The following TBC1D32 variants were observed in gnomAD, a reference collection of about 807,000 sequenced individuals.
The protein encoded by TBC1D32 is protein broad-minded.
TBC1D32 carries 151 observed loss-of-function variants against 170.3 expected under a neutral mutation model. The observed-to-expected ratio is 0.89, with a 90% confidence interval of 0.78 to 1.01. TBC1D32 has a LOEUF of 1.01. Ranked by LOEUF, TBC1D32 falls within the 50% of genes least tolerant of loss-of-function variation. The probability of loss-of-function intolerance (pLI) is 0.00; values close to 1 mark genes in which losing one functional copy is unlikely to be tolerated. For missense variants in TBC1D32, 1,464 were observed against 1,457.1 expected (o/e 1.00, Z -0.08); for synonymous variants, 498 against 488.0 (o/e 1.02, Z -0.27).
intron 22 of TBC1D32, among the ~76,000 whole-genome samples, chr6:121,197,507 T>C (rs995834254): frequency 5.3e-5 from 8 of 152,240 alleles, no homozygotes; most frequent in Non-Finnish European, 1.2e-4. Context: ...TGTGATTGTA[T>C]ACACTTGTAC....
chr6:121,225,319 T>C (rs946699909), intron 20 of TBC1D32, among the ~76,000 whole-genome samples: 29 of 152,068 alleles, frequency 1.9e-4, no homozygotes, highest in African/African-American at 6.8e-4. Flanking sequence ...TGCTTTATAA[T>C]TTAAATCTGC....
intron 27 of TBC1D32, among the ~76,000 whole-genome samples, chr6:121,114,415 A>G (rs1779493026): frequency 6.6e-6 from 1 of 152,204 alleles, no homozygotes; most frequent in Non-Finnish European, 1.5e-5. Flanking sequence ...TACGAAGTCC[A>G]TTTCAGAATA....
Position 121,241,493 on chromosome 6 carries a change from T to A in TBC1D32, c.2217A>T (p.Ala739=). ...ACTTTTTTAGTGCAATGCCACCTGC[T>A]GCTGTTGATGCCACTCGTGTAACCA... The part of the protein sequence containing the change: ...GVLVTRVAST[A]AGGIALKKSG... The change falls in exon 19 of 32, where the codon GCA becomes GCT. Residue 739 remains alanine (A), a synonymous_variant. Coordinates refer to ENST00000398212, the MANE Select transcript of TBC1D32 (RefSeq NM_152730.6). 1 of 1,613,530 alleles carries A rather than the reference T, an allele frequency of 6.2e-7. No individual in the cohort carries two copies. Among genetic ancestry groups the A allele is most frequent in the South Asian group, 1.1e-5 (1 of 91,002 alleles).
At position 121,310,521 on chromosome 6, in the gene TBC1D32, A is replaced by G. The variant is rs150523800; in HGVS notation, c.564+258T>C. On this transcript the variant is annotated intron_variant, in intron 4 of 31. Coordinates refer to ENST00000398212, the MANE Select transcript of TBC1D32 (RefSeq NM_152730.6). ...AGAACAGTTTGGGGGACAACTGCCT[A>G]TAACTTTATCCCTTTGAAATTGATG... Among the ~76,000 whole-genome samples, 11 of 152,344 alleles carry G rather than the reference A, an allele frequency of 7.2e-5. No individual in the cohort carries two copies. The East Asian group carries it at 1.7e-3, about 24-fold the overall frequency.
chr6:121,105,853 C>G (rs1188004953), intron 30 of TBC1D32, among the ~76,000 whole-genome samples, 170 bp downstream of exon 30: 3 of 151,942 alleles, frequency 2.0e-5, no homozygotes, highest in African/African-American at 7.2e-5. Flanking sequence ...TGGTAGAAAG[C>G]ATTATAAAGC....
At chr6:121,101,774 A>G (rs1778100057) in intron 30 of TBC1D32, among the ~76,000 whole-genome samples, 1 of 152,150 alleles carries the variant, frequency 6.6e-6, no homozygotes, top group Non-Finnish European at 1.5e-5. Context: ...AGGGTATTCA[A>G]TTAGGAAAAG....
intron 22 of TBC1D32, among the ~76,000 whole-genome samples, chr6:121,196,856 T>G (rs1347088792): frequency 6.6e-6 from 1 of 152,188 alleles, no homozygotes; most frequent in South Asian, 2.1e-4. Flanking sequence ...CCAGGATTCA[T>G]GATTCCAGGA....
At chr6:121,123,099 C>A (rs945585245) in intron 26 of TBC1D32, among the ~76,000 whole-genome samples, 1 of 152,084 alleles carries the variant, frequency 6.6e-6, no homozygotes, top group Admixed American at 6.6e-5. Context: ...ATTATGACAA[C>A]TTCTCTTGTT....
At position 121,147,572 on chromosome 6, in the gene TBC1D32, G is replaced by A. The variant is rs368646998; in HGVS notation, c.2773+12438C>T. On this transcript the variant is annotated intron_variant, in intron 24 of 31. Transcript: ENST00000398212. The stretch of plus-strand genomic sequence containing the variant: ...CATTTATCTGATGATTAGTGATGGT[G>A]AGCATTTTTAATATTTTTTTATTTT... 5.8e-3 allele frequency among the ~76,000 whole-genome samples: 883 copies of A among 151,902 alleles called. 11 individuals are homozygous for A. Among genetic ancestry groups the A allele is most frequent in the African/African-American group, 0.02 (821 of 41,420 alleles).
At chr6:121,194,820 G>T (rs928615510) in intron 22 of TBC1D32, among the ~76,000 whole-genome samples, 16 of 152,124 alleles carry the variant, frequency 1.1e-4, no homozygotes, top group Non-Finnish European at 7.3e-5. Flanking sequence ...ATATCACACT[G>T]GTCCATTACA....
At chr6:121,231,556 C>G (rs1230950541) in intron 20 of TBC1D32, among the ~76,000 whole-genome samples, 2 of 152,000 alleles carry the variant, frequency 1.3e-5, no homozygotes, top group East Asian at 1.9e-4. Context: ...AAAGTGTTCC[C>G]TTTTCACTGC....
At chr6:121,294,804 T>G in intron 10 of TBC1D32, 144 bp from the exon 11 acceptor site, 1 of 668,908 alleles carries the variant, frequency 1.5e-6, no homozygotes, top group Non-Finnish European at 2.6e-6. Context: ...CCCTTAAAGC[T>G]CAGCCTCCTC....
chr6:121,191,885 G>A (rs987975211), intron 22 of TBC1D32, among the ~76,000 whole-genome samples: 5 of 151,816 alleles, frequency 3.3e-5, no homozygotes, highest in South Asian at 2.1e-4. Context: ...GTGAAAAGGC[G>A]AGACTGGCCT....
intron 30 of TBC1D32, among the ~76,000 whole-genome samples, chr6:121,094,869 T>G (rs967013016): frequency 3.7e-4 from 57 of 152,166 alleles, no homozygotes; most frequent in African/African-American, 1.3e-3. Context: ...GATACGTATT[T>G]TCAAATTTTT....
At chr6:121,160,866 G>C (rs1483103793) in intron 23 of TBC1D32, 82 bp downstream of exon 23, 2 of 1,040,692 alleles carry the variant, frequency 1.9e-6, no homozygotes, top group African/African-American at 1.6e-5. Flanking sequence ...AAGAGGTAAA[G>C]TTTAGGGTGA....
chr6:121,315,430 C>T (rs1475559614), intron 3 of TBC1D32, among the ~76,000 whole-genome samples: 1 of 152,120 alleles, frequency 6.6e-6, no homozygotes, highest in African/African-American at 2.4e-5. Flanking sequence ...ATGGTAATAA[C>T]TACTTATCTC....
At chr6:121,093,880 T>C (rs934754133) in intron 30 of TBC1D32, among the ~76,000 whole-genome samples, 1 of 152,106 alleles carries the variant, frequency 6.6e-6, no homozygotes, top group African/African-American at 2.4e-5. Flanking sequence ...ATAACAAAGG[T>C]ATAGATGTTA....
Position 121,255,385 on chromosome 6 carries a change from G to A in TBC1D32, c.1961C>T (p.Pro654Leu). 2.0e-6 allele frequency: 3 copies of A among 1,506,334 alleles called. No individual in the cohort carries two copies. The highest frequency in any genetic ancestry group is 2.7e-6 in the Non-Finnish European group (3 of 1,131,814). 93.3% of individuals were successfully genotyped at this position (1,506,334 alleles called of 1,614,324 possible). A position where few individuals can be genotyped will look rare whatever the true frequency, so the allele number is the denominator to read the frequency against. Residue 654 changes from proline to leucine, a missense_variant, in exon 17 of 32, where the codon CCT becomes CTT. By Grantham distance (98) the Pro-to-Leu change is moderately conservative (BLOSUM62 -3). Around this residue, in one of 3 missense-constraint regions of TBC1D32, gnomAD observed 1,363 missense variants for 1,338.1 expected, o/e 1.02. Coordinates refer to ENST00000398212, the MANE Select transcript of TBC1D32 (RefSeq NM_152730.6). ...KKTSLLSERI[P>L]TPVEGSDSVS... ...AGAATCAGAACCCTCTACTGGAGTA[G>A]GAATTCTTTCTGATAGCAAACTTGT...
chr6:121,185,720 T>A (rs148197143), intron 22 of TBC1D32, among the ~76,000 whole-genome samples: 3 of 152,184 alleles, frequency 2.0e-5, no homozygotes, highest in South Asian at 2.1e-4. Flanking sequence ...CTATCAAACA[T>A]TATCTTACTA....
Sources: gnomAD v4.1 joint callset for allele counts (sites outside exome capture counted in the v4.1 genomes callset) on GRCh38, gnomAD v4.1.1 for gene constraint, gnomAD v4.1.1 regional missense constraint, MANE v1.5 for transcripts, NCBI Gene and HGNC (gene_info 2026-07-23, HGNC 2026-07-21) for gene names.